QTMAN: variants seen among roughly 807,000 people sequenced by gnomAD.
QTMAN encodes tRNA-queuosine alpha-mannosyltransferase.
At chr2:144,239,398 C>T in the QTMAN span, among the ~76,000 whole-genome samples, 1 of 152,128 alleles carries the variant, frequency 6.6e-6, no homozygotes, top group Non-Finnish European at 1.5e-5. Context: ...CAATTGCCAA[C>T]CTAAGCTAGC....
the QTMAN span, among the ~76,000 whole-genome samples, chr2:144,274,305 G>A: frequency 6.6e-6 from 1 of 152,286 alleles, no homozygotes; most frequent in South Asian, 2.1e-4. Context: ...TGAGTGATAG[G>A]AGAATCTGAC....
chr2:144,009,090 G>A, the QTMAN span, among the ~76,000 whole-genome samples: 1 of 152,036 alleles, frequency 6.6e-6, no homozygotes, highest in African/African-American at 2.4e-5. Context: ...CTTATAAGAT[G>A]GAAGGAGAAA....
At chr2:144,312,965 A>G in the QTMAN span, among the ~76,000 whole-genome samples, 2 of 46,412 alleles carry the variant, frequency 4.3e-5, no homozygotes, top group Non-Finnish European at 8.2e-5. Context: ...GTATTTCTTT[A>G]TAGCAGTGTG....
chr2:144,224,709 C>T, the QTMAN span, among the ~76,000 whole-genome samples: 4 of 152,110 alleles, frequency 2.6e-5, no homozygotes, highest in East Asian at 3.9e-4. Context: ...CACAGCAAGA[C>T]CCTGATAAGA....
At chr2:144,286,642 G>C in the QTMAN span, among the ~76,000 whole-genome samples, 5 of 152,098 alleles carry the variant, frequency 3.3e-5, no homozygotes, top group Non-Finnish European at 7.4e-5. Flanking sequence ...TCTATGTTTT[G>C]GTTTATACTA....
At chr2:144,167,601 C>T in the QTMAN span, among the ~76,000 whole-genome samples, 1 of 152,000 alleles carries the variant, frequency 6.6e-6, no homozygotes, top group East Asian at 1.9e-4. Context: ...TTATGAGTAT[C>T]TGGCCATTTC....
chr2:144,271,699 C>T, the QTMAN span, among the ~76,000 whole-genome samples: 1 of 152,228 alleles, frequency 6.6e-6, no homozygotes, highest in South Asian at 2.1e-4. Context: ...CCAGAATGCT[C>T]CCTGCTCCCC....
the QTMAN span, among the ~76,000 whole-genome samples, chr2:144,302,229 T>TTATATA: frequency 2.7e-5 from 4 of 150,318 alleles, no homozygotes; most frequent in African/African-American, 9.7e-5. Flanking sequence ...TTTTCCTCAA[T>TTATATA]TATATATATA....
At chr2:144,258,561 T>C in the QTMAN span, among the ~76,000 whole-genome samples, 1 of 152,222 alleles carries the variant, frequency 6.6e-6, no homozygotes, top group African/African-American at 2.4e-5. Context: ...AATCCAGTTA[T>C]GTGATACCCA....
the QTMAN span, among the ~76,000 whole-genome samples, chr2:143,955,621 T>G: frequency 6.6e-6 from 1 of 152,322 alleles, no homozygotes; most frequent in South Asian, 2.1e-4. Context: ...CTTTGCTGAT[T>G]GTTGCATTCC....
chr2:144,162,697 G>A, the QTMAN span, among the ~76,000 whole-genome samples: 1 of 152,150 alleles, frequency 6.6e-6, no homozygotes, highest in Admixed American at 6.5e-5. Flanking sequence ...GAGACCTAGG[G>A]GTGAATGTCA....
chr2:144,174,099 A>C, the QTMAN span, among the ~76,000 whole-genome samples: 1 of 152,344 alleles, frequency 6.6e-6, no homozygotes, highest in East Asian at 1.9e-4. Context: ...ACACTAACAA[A>C]GATACCTTCA....
the QTMAN span, among the ~76,000 whole-genome samples, chr2:144,176,493 C>T: frequency 6.6e-6 from 1 of 151,562 alleles, no homozygotes; most frequent in Non-Finnish European, 1.5e-5. Context: ...TACTAGACAA[C>T]AAAATTAGGC....
the QTMAN span, among the ~76,000 whole-genome samples, chr2:144,313,799 T>C: frequency 6.6e-6 from 1 of 151,494 alleles, no homozygotes; most frequent in Non-Finnish European, 1.5e-5. Context: ...TAAATAGATA[T>C]ATCTTTAAAA....
At chr2:144,252,778 A>G in the QTMAN span, among the ~76,000 whole-genome samples, 1 of 152,160 alleles carries the variant, frequency 6.6e-6, no homozygotes, top group Non-Finnish European at 1.5e-5. Flanking sequence ...ACTTACATAC[A>G]TGCAAAAACC....
chr2:144,007,599 C>CATAATGATTATATATA, the QTMAN span: 1 of 1,070,488 alleles, frequency 9.3e-7, no homozygotes, highest in Non-Finnish European at 1.3e-6. Flanking sequence ...TTGTCCTTTA[C>CATAATGATTATATATA]CTTCCTGTAA....
At chr2:144,274,673 A>T in the QTMAN span, among the ~76,000 whole-genome samples, 1 of 152,340 alleles carries the variant, frequency 6.6e-6, no homozygotes, top group Admixed American at 6.5e-5. Flanking sequence ...GCACCCCACC[A>T]GACTTGTCCT....
chr2:143,952,092 C>G, the QTMAN span: 5 of 1,467,984 alleles, frequency 3.4e-6, no homozygotes, highest in Non-Finnish European at 3.8e-6. Flanking sequence ...AAAACAGATA[C>G]ATTTTTAATG....
At chr2:144,188,144 T>C in the QTMAN span, among the ~76,000 whole-genome samples, 2 of 152,188 alleles carry the variant, frequency 1.3e-5, no homozygotes, top group Admixed American at 1.3e-4. Context: ...ATTCTGGTGT[T>C]ACAGCACCCT....
Sources: gnomAD v4.1 joint callset for allele counts (sites outside exome capture counted in the v4.1 genomes callset) on GRCh38, gnomAD v4.1.1 for gene constraint, MANE v1.5 for transcripts, NCBI Gene and HGNC (gene_info 2026-07-23, HGNC 2026-07-21) for gene names.